The following NUF2 variants were observed in gnomAD, a reference collection of about 807,000 sequenced individuals.
NUF2 encodes the protein NUF2 component of NDC80 kinetochore complex.
In NUF2, 34 loss-of-function variants were observed where a neutral mutation model predicts 61.8. The observed-to-expected ratio is 0.55, with a 90% confidence interval of 0.42 to 0.73. The LOEUF (loss-of-function observed/expected upper bound fraction) is 0.73, where lower values mean the gene tolerates loss of function less well. NUF2 is among the 30% of genes least tolerant of loss of function. The probability of loss-of-function intolerance (pLI) is 0.00; values close to 1 mark genes in which losing one functional copy is unlikely to be tolerated. For missense variants in NUF2, 445 were observed against 539.1 expected, an observed-to-expected ratio of 0.83 and a Z score of 1.73; for synonymous variants, 172 against 181.6, an observed-to-expected ratio of 0.95 and a Z score of 0.42.
chr1:163,346,522 G>A (rs377160692), intron 11 of NUF2, among the ~76,000 whole-genome samples: 19 of 152,230 alleles, frequency 1.2e-4, no homozygotes, highest in African/African-American at 4.6e-4. Context: ...AGCAAGTGGT[G>A]TATACAGCAT....
chr1:163,339,653 C>T (rs1402090822), intron 8 of NUF2, among the ~76,000 whole-genome samples, 176 bp downstream of exon 8: 7 of 152,032 alleles, frequency 4.6e-5, no homozygotes, highest in Admixed American at 4.6e-4. Flanking sequence ...CCATCTAGAA[C>T]CGTGATGGTT....
At chr1:163,350,450 G>A (rs1046587724) in intron 13 of NUF2, among the ~76,000 whole-genome samples, 2 of 151,922 alleles carry the variant, frequency 1.3e-5, no homozygotes, top group African/African-American at 2.4e-5. Flanking sequence ...ACTCAAATTC[G>A]AGGCACCTTT....
At chr1:163,350,883 G>C (rs553444967) in intron 13 of NUF2, among the ~76,000 whole-genome samples, 1 of 152,142 alleles carries the variant, frequency 6.6e-6, no homozygotes, top group South Asian at 2.1e-4. Flanking sequence ...TGTTCTACTA[G>C]GGCAGCTTTA....
chr1:163,353,325 T>C (rs1205626538), intron 13 of NUF2, among the ~76,000 whole-genome samples: 3 of 152,210 alleles, frequency 2.0e-5, no homozygotes, highest in Non-Finnish European at 4.4e-5. Flanking sequence ...GGATAGTGTA[T>C]AGTCTTAAAT....
chr1:163,340,921 A>G (rs78179220), intron 9 of NUF2, among the ~76,000 whole-genome samples: 5,145 of 152,294 alleles, frequency 0.034, 172 homozygotes, highest in African/African-American at 0.086. Flanking sequence ...AAATATATGT[A>G]TGTGTGTATC....
chr1:163,322,422 C>T (rs900683775), intron 1 of NUF2, among the ~76,000 whole-genome samples: 1 of 152,166 alleles, frequency 6.6e-6, no homozygotes, highest in Non-Finnish European at 1.5e-5. Context: ...AGATGCTTGT[C>T]AGCTTTTTAC....
chr1:163,325,986 G>T, intron 1 of NUF2, 46 bp from the exon 2 acceptor site: 1 of 1,463,650 alleles, frequency 6.8e-7, no homozygotes, highest in South Asian at 1.2e-5. Flanking sequence ...CAGATAATGA[G>T]AACTACTGAT....
At chr1:163,323,143 T>C (rs1650294633) in intron 1 of NUF2, 1 of 152,194 alleles carries the variant, frequency 6.6e-6, no homozygotes, top group African/African-American at 2.4e-5. Context: ...ATGCGTTAAG[T>C]GTTTTTATAA....
intron 7 of NUF2, 31 bp from the exon 8 acceptor site, chr1:163,339,350 G>A (rs1455403949): frequency 3.0e-6 from 4 of 1,325,684 alleles, no homozygotes; most frequent in Admixed American, 1.8e-5. Flanking sequence ...AAAGTGAAGA[G>A]CAGTATTTTA....
At chr1:163,347,264 GC>G in intron 11 of NUF2, among the ~76,000 whole-genome samples, 1 of 152,288 alleles carries the variant, frequency 6.6e-6, no homozygotes, top group Non-Finnish European at 1.5e-5. Flanking sequence ...TCCAGGCTGC[GC>G]CTCCAGGATA....
At chr1:163,336,632 T>C (rs1345380962) in intron 5 of NUF2, 119 bp from the exon 6 acceptor site, 3 of 647,444 alleles carry the variant, frequency 4.6e-6, no homozygotes, top group Non-Finnish European at 5.4e-6. Context: ...CTTTGTTATA[T>C]CCTATACAGT....
chr1:163,328,372 GA>G, intron 4 of NUF2, 68 bp downstream of exon 4: 1 of 997,190 alleles, frequency 1.0e-6, no homozygotes, highest in Non-Finnish European at 1.5e-6. Flanking sequence ...TTTTCTTAAT[GA>G]CATGGTTTTC....
At chr1:163,333,212 A>G (rs1650654013) in intron 5 of NUF2, among the ~76,000 whole-genome samples, 3 of 152,190 alleles carry the variant, frequency 2.0e-5, no homozygotes, top group Non-Finnish European at 4.4e-5. Flanking sequence ...GTTCTGAAAT[A>G]TACTTGATTT....
Position 163,340,529 on chromosome 1 carries a change from C to G in NUF2, c.669+103C>G, listed in dbSNP as rs1488605167. On this transcript the variant is annotated intron_variant, in intron 9 of 13. Coordinates refer to ENST00000271452, the MANE Select transcript of NUF2 (RefSeq NM_145697.3). ...TATGGGCAAATGTTTCTCCCTTTTTCCCTTCAAAATGAAACAATCTTTTTC... is the reference window on the plus strand; with the variant it reads ...TATGGGCAAATGTTTCTCCCTTTTTGCCTTCAAAATGAAACAATCTTTTTC... 48 of 733,416 alleles carry G rather than the reference C, an allele frequency of 6.5e-5. No individual in the cohort carries two copies. The East Asian group carries it at 1.0e-3, about 16-fold the overall frequency. The allele number at this position is 733,416 out of a possible 1,614,324, so 45.4% of individuals were successfully genotyped here. A position where few individuals can be genotyped will look rare whatever the true frequency, so the allele number is the denominator to read the frequency against.
At chr1:163,354,038 T>C (rs1651411302) in intron 13 of NUF2, among the ~76,000 whole-genome samples, 1 of 152,232 alleles carries the variant, frequency 6.6e-6, no homozygotes, top group Admixed American at 6.5e-5. Flanking sequence ...TTTTTTGGAA[T>C]GAATAAACAT....
intron 13 of NUF2, among the ~76,000 whole-genome samples, chr1:163,352,809 C>T (rs192094062): frequency 1.3e-5 from 2 of 151,740 alleles, no homozygotes; most frequent in East Asian, 1.9e-4. Context: ...GAGCTTGCAG[C>T]GAGCTGAGAT....
intron 7 of NUF2, among the ~76,000 whole-genome samples, chr1:163,338,434 G>A (rs939463713): frequency 6.6e-6 from 1 of 151,874 alleles, no homozygotes; most frequent in African/African-American, 2.4e-5. Flanking sequence ...CTTCAGATCA[G>A]TTGATTCCAT....
chr1:163,352,694 G>C (rs1269331591), intron 13 of NUF2, among the ~76,000 whole-genome samples: 3 of 152,032 alleles, frequency 2.0e-5, no homozygotes, highest in African/African-American at 4.8e-5. Flanking sequence ...GTGAAACCCC[G>C]TCTCTACTAA....
At chr1:163,331,545 T>C (rs1466692567) in intron 5 of NUF2, among the ~76,000 whole-genome samples, 2 of 152,016 alleles carry the variant, frequency 1.3e-5, no homozygotes, top group South Asian at 2.1e-4. Flanking sequence ...CCCGCTTCCA[T>C]TTTTGGGAAT....
Sources: gnomAD v4.1 joint callset for allele counts (sites outside exome capture counted in the v4.1 genomes callset) on GRCh38, gnomAD v4.1.1 for gene constraint, MANE v1.5 for transcripts, NCBI Gene and HGNC (gene_info 2026-07-23, HGNC 2026-07-21) for gene names.